CLIP1: variants seen among roughly 807,000 people sequenced by gnomAD.
CLIP1 encodes CAP-Gly domain containing linker protein 1.
In CLIP1, 66 loss-of-function variants were observed where a neutral mutation model predicts 161.6. The observed-to-expected ratio is 0.41, with a 90% confidence interval of 0.33 to 0.50. CLIP1 has a LOEUF of 0.50. CLIP1 is among the 20% of genes least tolerant of loss of function. CLIP1 has a pLI of 0.27. For missense variants in CLIP1, 1,376 were observed against 1,702.0 expected, an observed-to-expected ratio of 0.81 and a Z score of 3.37; for synonymous variants, 598 against 626.2, an observed-to-expected ratio of 0.96 and a Z score of 0.67.
intron 1 of CLIP1, among the ~76,000 whole-genome samples, chr12:122,393,599 T>G (rs1593234718): frequency 1.3e-5 from 2 of 152,244 alleles, no homozygotes; most frequent in Admixed American, 1.3e-4. Context: ...GCTCTTAGTC[T>G]CTAAGAAAGT....
At position 122,311,429 on chromosome 12, in the gene CLIP1, AT is replaced by A. The variant is rs1315276456; in HGVS notation, c.3474-1548del. Among the ~76,000 whole-genome samples the A allele has an allele frequency of 9.4e-3, 1,410 of 150,086 alleles. 8 individuals are homozygous for A. The highest frequency in any genetic ancestry group is 0.031 in the African/African-American group (1,269 of 40,582). ...TAAAAACAAAATTATTATTATTATT[AT>A]TTTTTTTTTTTTGAGACAGAGTCTC... On this transcript the variant is annotated intron_variant, in intron 19 of 25. Transcript: ENST00000620786. The surrounding 1 kb of genome is among the most constrained non-coding windows in gnomAD (Gnocchi z 4.3).
intron 17 of CLIP1, among the ~76,000 whole-genome samples, chr12:122,326,734 T>G (rs1593073338): frequency 6.6e-6 from 1 of 152,060 alleles, no homozygotes; most frequent in East Asian, 1.9e-4. Flanking sequence ...TGCTGTGGTT[T>G]GCTCAGGCTG....
chr12:122,295,033 G>A (rs953699272), intron 20 of CLIP1, among the ~76,000 whole-genome samples: 2 of 150,704 alleles, frequency 1.3e-5, no homozygotes, highest in African/African-American at 4.9e-5. Context: ...TCCAGCCTGG[G>A]AGACAGAGCG....
chr12:122,317,065 C>A (rs1226419270), intron 18 of CLIP1, among the ~76,000 whole-genome samples: 1 of 149,620 alleles, frequency 6.7e-6, no homozygotes, highest in Non-Finnish European at 1.5e-5. Context: ...ATATATATAT[C>A]CTGTACACCT....
chr12:122,306,423 T>C (rs1284513088), intron 20 of CLIP1, among the ~76,000 whole-genome samples: 1 of 152,108 alleles, frequency 6.6e-6, no homozygotes, highest in Admixed American at 6.6e-5. Flanking sequence ...ACTGGGGCCC[T>C]GGCTAAAAAC....
At chr12:122,376,628 G>A (rs978877115) in intron 3 of CLIP1, among the ~76,000 whole-genome samples, 1 of 151,532 alleles carries the variant, frequency 6.6e-6, no homozygotes, top group Non-Finnish European at 1.5e-5. Flanking sequence ...CACCATGCCC[G>A]GCTAATTTTT....
intron 3 of CLIP1, among the ~76,000 whole-genome samples, chr12:122,366,074 AG>A: frequency 6.6e-6 from 1 of 152,132 alleles, no homozygotes. Context: ...TGGGAGGCCA[AG>A]GTGGGTGGAT....
chr12:122,313,933 G>A lies in CLIP1; in HGVS notation c.3473+2816C>T, dbSNP rs537537543. Reference sequence around the variant, plus strand: ...GCACTTTGGGAGGTCAAGGCGGGCAGATCATTTGAGGCCAGGAGTTCAAGA... The same window carrying A: ...GCACTTTGGGAGGTCAAGGCGGGCAAATCATTTGAGGCCAGGAGTTCAAGA... On this transcript the variant is annotated intron_variant, in intron 19 of 25. Coordinates refer to ENST00000620786, the MANE Select transcript of CLIP1 (RefSeq NM_001247997.2). Among the ~76,000 whole-genome samples the A allele has an allele frequency of 1.2e-3, 186 of 152,062 alleles. 1 individual carries two copies. The highest frequency in any genetic ancestry group is 4.3e-3 in the African/African-American group (179 of 41,472).
At position 122,274,041 on chromosome 12, in the gene CLIP1, T is replaced by C; in HGVS notation, c.4088A>G (p.Asp1363Gly). Residue 1363 changes from aspartate to glycine, a missense_variant, in exon 25 of 26, where the codon GAC becomes GGC. Physicochemically the swap from Asp to Gly is moderately conservative, Grantham distance 94. This residue lies in a region of CLIP1 where 948 missense variants were observed against 1,134.8 expected (regional missense o/e 0.84). Transcript: ENST00000620786. ...NGNGDDLNNY[D>G]SDDQEKQSKK... ...AGTATGTCTTCATATGAAATACCTGTCATAATTGTTTAGGTCATCCCCGTT... is the reference window on the plus strand; with the variant it reads ...AGTATGTCTTCATATGAAATACCTGCCATAATTGTTTAGGTCATCCCCGTT... 6.2e-7 allele frequency: 1 copy of C among 1,613,556 alleles called. No homozygotes were observed. The highest frequency in any genetic ancestry group is 1.1e-5 in the South Asian group (1 of 91,074).
At chr12:122,397,239 C>T (rs1955947000) in intron 1 of CLIP1, among the ~76,000 whole-genome samples, 1 of 151,886 alleles carries the variant, frequency 6.6e-6, no homozygotes, top group Non-Finnish European at 1.5e-5. Flanking sequence ...TGCTCTTTGC[C>T]CTTCTGATGG....
chr12:122,327,656 C>T (rs984857012), intron 17 of CLIP1, among the ~76,000 whole-genome samples: 8 of 151,626 alleles, frequency 5.3e-5, no homozygotes, highest in Admixed American at 5.3e-4. Context: ...GCTCAGGCAA[C>T]GAAAGAACCT....
At chr12:122,276,011 G>A (rs1197878588) in intron 24 of CLIP1, among the ~76,000 whole-genome samples, 1 of 152,000 alleles carries the variant, frequency 6.6e-6, no homozygotes, top group East Asian at 1.9e-4. Context: ...TTCAATCAAA[G>A]GGCATTTTGA....
chr12:122,280,342 G>T (rs1422699743), intron 21 of CLIP1: 1 of 152,206 alleles, frequency 6.6e-6, no homozygotes, highest in Non-Finnish European at 1.5e-5. Context: ...CTCACAAAGT[G>T]CTGGGATTAC....
rs141660569 is a variant in CLIP1 at position 122,351,303 on chromosome 12, T to C, written c.1369-160A>G. Among the ~76,000 whole-genome samples, 3 of 152,368 alleles carry C rather than the reference T, an allele frequency of 2.0e-5. No homozygotes were observed. In the East Asian group the frequency reaches 5.8e-4, roughly 29 times the overall value. On this transcript the variant is annotated intron_variant, in intron 8 of 25. Coordinates refer to ENST00000620786, the MANE Select transcript of CLIP1 (RefSeq NM_001247997.2). ...CAGTGCTGATGTAAATTATTTTAAC[T>C]GGACCCTCCTGAAGACACCATGGGC...
intron 17 of CLIP1, among the ~76,000 whole-genome samples, chr12:122,325,728 A>T (rs1284673359): frequency 6.6e-6 from 1 of 152,134 alleles, no homozygotes; most frequent in East Asian, 1.9e-4. Context: ...ATCTCAGCTC[A>T]CTGCAGCCTC....
intron 3 of CLIP1, among the ~76,000 whole-genome samples, chr12:122,375,224 T>G (rs1002034591): frequency 1.3e-5 from 2 of 152,100 alleles, no homozygotes; most frequent in African/African-American, 2.4e-5. Flanking sequence ...CCTTACACCT[T>G]GTGTTTCTGC....
At chr12:122,290,762 T>C (rs1351791069) in intron 20 of CLIP1, among the ~76,000 whole-genome samples, 4 of 152,166 alleles carry the variant, frequency 2.6e-5, no homozygotes, top group African/African-American at 4.8e-5. Flanking sequence ...ATCATACTGA[T>C]CTTTATAGAA....
chr12:122,364,701 G>T, intron 3 of CLIP1: 1 of 506,106 alleles, frequency 2.0e-6, no homozygotes, highest in East Asian at 4.8e-5. Context: ...CACCACTCTT[G>T]GACCTCACTT....
intron 1 of CLIP1, among the ~76,000 whole-genome samples, chr12:122,386,566 T>C (rs953864011): frequency 1.3e-5 from 2 of 152,202 alleles, no homozygotes; most frequent in African/African-American, 4.8e-5. Context: ...GATTACAGTT[T>C]AGATTTTCAA....
Sources: gnomAD v4.1 joint callset for allele counts (sites outside exome capture counted in the v4.1 genomes callset) on GRCh38, gnomAD v4.1.1 for gene constraint, gnomAD v4.1.1 regional missense constraint, Gnocchi (gnomAD v3.1) non-coding constraint, MANE v1.5 for transcripts, NCBI Gene and HGNC (gene_info 2026-07-23, HGNC 2026-07-21) for gene names.